PTPRD: variants seen among roughly 807,000 people sequenced by gnomAD.
PTPRD encodes protein tyrosine phosphatase receptor type D.
Under a neutral mutation model 214.5 loss-of-function variants are expected in PTPRD, and 34 were observed. That is an observed-to-expected ratio of 0.16 (90% CI 0.12 to 0.21). PTPRD has a LOEUF of 0.21. PTPRD is among the 10% of genes least tolerant of loss of function. The probability of loss-of-function intolerance (pLI) is 1.00; values close to 1 mark genes in which losing one functional copy is unlikely to be tolerated. For missense variants in PTPRD, 2,545 were observed against 2,398.7 expected, an observed-to-expected ratio of 1.06 and a Z score of -1.27; for synonymous variants, 1,128 against 845.7, an observed-to-expected ratio of 1.33 and a Z score of -5.79.
At chr9:8,535,805 A>T (rs978192253) in intron 14 of PTPRD, among the ~76,000 whole-genome samples, 5 of 152,078 alleles carry the variant, frequency 3.3e-5, no homozygotes, top group African/African-American at 1.2e-4. Context: ...CCTCTGTACA[A>T]AGTCTCCATA....
At chr9:10,105,696 C>A (rs1211993514) in intron 3 of PTPRD, among the ~76,000 whole-genome samples, 1 of 151,776 alleles carries the variant, frequency 6.6e-6, no homozygotes, top group Non-Finnish European at 1.5e-5. Context: ...GTCTGAATTA[C>A]TAACATGCTA....
At chr9:10,526,426 T>C (rs1428555774) in intron 2 of PTPRD, among the ~76,000 whole-genome samples, 1 of 152,074 alleles carries the variant, frequency 6.6e-6, no homozygotes, top group African/African-American at 2.4e-5. Flanking sequence ...ATCATACCCA[T>C]GCCAATTTCA....
chr9:8,549,608 T>C lies in PTPRD; in HGVS notation c.353-20829A>G, dbSNP rs556922233. ...TGTAGATTTTAAACATAGAGAAAAA[T>C]ATGTGTGAATATTTGCCTTGTGAGG... On this transcript the variant is annotated intron_variant, in intron 14 of 45. Transcript: ENST00000381196. Among the ~76,000 whole-genome samples, 31 of 152,208 alleles carry C rather than the reference T, an allele frequency of 2.0e-4. No individual in the cohort carries two copies. The South Asian group carries it at 3.9e-3, about 19-fold the overall frequency.
chr9:8,431,512 C>G (rs1377407526), intron 35 of PTPRD, among the ~76,000 whole-genome samples: 1 of 152,174 alleles, frequency 6.6e-6, no homozygotes, highest in Non-Finnish European at 1.5e-5. Flanking sequence ...TGCTTACGAT[C>G]TATCTAGTCT....
chr9:9,765,323 T>C (rs551847172), intron 6 of PTPRD, among the ~76,000 whole-genome samples: 24 of 152,180 alleles, frequency 1.6e-4, no homozygotes, highest in Admixed American at 4.6e-4. Context: ...TATGTACATA[T>C]AACCGTATTT....
At chr9:9,561,473 C>G (rs561501510) in intron 8 of PTPRD, among the ~76,000 whole-genome samples, 1 of 152,188 alleles carries the variant, frequency 6.6e-6, no homozygotes, top group Non-Finnish European at 1.5e-5. Context: ...TAATTTGACT[C>G]TTTTTCATCA....
intron 14 of PTPRD, among the ~76,000 whole-genome samples, chr9:8,628,830 T>A (rs961509601): frequency 2.6e-5 from 4 of 151,816 alleles, no homozygotes; most frequent in Non-Finnish European, 4.4e-5. Context: ...TGAAATATAT[T>A]TGCTAAACTA....
At chr9:9,473,547 C>G (rs1291364054) in intron 8 of PTPRD, among the ~76,000 whole-genome samples, 1 of 152,000 alleles carries the variant, frequency 6.6e-6, no homozygotes, top group Admixed American at 6.6e-5. Flanking sequence ...TCTAAGAAAC[C>G]CCCATCCTGT....
chr9:10,402,351 A>G (rs974258647), intron 2 of PTPRD, among the ~76,000 whole-genome samples: 1 of 151,722 alleles, frequency 6.6e-6, no homozygotes, highest in Non-Finnish European at 1.5e-5. Context: ...TCCAATTCCT[A>G]AGATATGTTT....
At chr9:10,039,439 T>C (rs2097255637) in intron 3 of PTPRD, among the ~76,000 whole-genome samples, 1 of 152,120 alleles carries the variant, frequency 6.6e-6, no homozygotes, top group Non-Finnish European at 1.5e-5. Context: ...TATAAATCTC[T>C]ATTATCTGTG....
intron 2 of PTPRD, among the ~76,000 whole-genome samples, chr9:10,577,553 C>A (rs1164208671): frequency 1.3e-5 from 2 of 152,102 alleles, no homozygotes; most frequent in Non-Finnish European, 2.9e-5. Context: ...TTCTTTTCAC[C>A]CAGTGGGCCT....
chr9:9,890,651 C>A (rs956642672), intron 5 of PTPRD, among the ~76,000 whole-genome samples: 2 of 151,896 alleles, frequency 1.3e-5, no homozygotes, highest in Non-Finnish European at 2.9e-5. Flanking sequence ...TGAATGACCC[C>A]CAAAACAATG....
intron 5 of PTPRD, among the ~76,000 whole-genome samples, chr9:9,768,206 G>A (rs750716546): frequency 9.0e-4 from 137 of 152,020 alleles, no homozygotes; most frequent in African/African-American, 3.0e-3. Flanking sequence ...ATCAGCCAAC[G>A]CTGTAGACTA....
At chr9:8,527,289 T>C (rs565921244) in intron 16 of PTPRD, 56 bp downstream of exon 16, 18 of 1,545,758 alleles carry the variant, frequency 1.2e-5, no homozygotes, top group Non-Finnish European at 1.5e-5. Flanking sequence ...ATAATAATAA[T>C]ATTCTGGATA....
intron 8 of PTPRD, among the ~76,000 whole-genome samples, chr9:9,552,096 C>T (rs1027314021): frequency 6.6e-6 from 1 of 152,008 alleles, no homozygotes; most frequent in Admixed American, 6.6e-5. Flanking sequence ...TCATAATAGT[C>T]AATATTCATT....
In PTPRD at chr9:9,129,385, C is replaced by CAATA. The variant is rs573395972; in HGVS notation, c.-143+53915_-143+53918dup. 5.6e-3 allele frequency among the ~76,000 whole-genome samples: 852 copies of CAATA among 152,084 alleles called. 7 individuals carry two copies. The highest frequency in any genetic ancestry group is 0.017 in the African/African-American group (703 of 41,494). On this transcript the variant is annotated intron_variant, in intron 10 of 45. Transcript: ENST00000381196. ...AGCCTGGGCAACAGAGACTCCGTCT[C>CAATA]AATAAATAAATAAATAAATAAGAGA...
chr9:8,400,651 G>C (rs2092231939), intron 36 of PTPRD, among the ~76,000 whole-genome samples: 1 of 152,198 alleles, frequency 6.6e-6, no homozygotes, highest in Admixed American at 6.5e-5. Flanking sequence ...AGTGTTATGA[G>C]TGATGTGGGA....
At chr9:9,371,461 C>T (rs1426128721) in intron 9 of PTPRD, among the ~76,000 whole-genome samples, 2 of 151,964 alleles carry the variant, frequency 1.3e-5, no homozygotes, top group East Asian at 1.9e-4. Flanking sequence ...TGGTAATATC[C>T]CCTTTATCAT....
intron 3 of PTPRD, among the ~76,000 whole-genome samples, chr9:10,094,013 A>C (rs1191069657): frequency 2.0e-5 from 3 of 151,378 alleles, no homozygotes; most frequent in Non-Finnish European, 4.4e-5. Flanking sequence ...TGATAGGATC[A>C]TCTGTACCCC....
Sources: allele counts gnomAD v4.1 joint callset (sites outside exome capture counted in the v4.1 genomes callset), GRCh38; gene constraint gnomAD v4.1.1; transcripts MANE v1.5; gene names NCBI Gene and HGNC (gene_info 2026-07-23, HGNC 2026-07-21).